Variants in FAM135A observed in about 807,000 individuals in gnomAD.
FAM135A encodes family with sequence similarity 135 member A, also known as protein FAM135A.
In FAM135A, 79 loss-of-function variants were observed where a neutral mutation model predicts 146.8. The observed-to-expected ratio is 0.54, with a 90% confidence interval of 0.45 to 0.65. FAM135A has a LOEUF of 0.65. Ranked by LOEUF, FAM135A falls within the 30% of genes least tolerant of loss-of-function variation. The probability of loss-of-function intolerance (pLI) is 0.00; values close to 1 mark genes in which losing one functional copy is unlikely to be tolerated. For missense variants in FAM135A, 1,623 were observed against 1,758.2 expected (o/e 0.92, Z 1.38); for synonymous variants, 562 against 603.6 (o/e 0.93, Z 1.01).
chr6:70,456,637 A>G (rs550924941), intron 5 of FAM135A, among the ~76,000 whole-genome samples: 2 of 152,340 alleles, frequency 1.3e-5, no homozygotes, highest in African/African-American at 4.8e-5. Flanking sequence ...AAGTGTCACA[A>G]TATTTAATTT....
chr6:70,497,349 A>G (rs1205872830), intron 11 of FAM135A, among the ~76,000 whole-genome samples: 1 of 152,192 alleles, frequency 6.6e-6, no homozygotes, highest in African/African-American at 2.4e-5. Flanking sequence ...TTGAGTTTGT[A>G]TCCTGAGACT....
intron 12 of FAM135A, among the ~76,000 whole-genome samples, chr6:70,505,431 T>G (rs1258831439): frequency 6.6e-6 from 1 of 152,138 alleles, no homozygotes; most frequent in Non-Finnish European, 1.5e-5. Context: ...TTGATTTTTT[T>G]GAAGAGTATT....
At chr6:70,421,960 G>GA (rs1768948693) in intron 2 of FAM135A, among the ~76,000 whole-genome samples, 2 of 152,044 alleles carry the variant, frequency 1.3e-5, no homozygotes, top group African/African-American at 2.4e-5. Context: ...TGGGTAAAAG[G>GA]AAAAAAGCTC....
At chr6:70,414,695 T>C (rs1187793734) in intron 1 of FAM135A, among the ~76,000 whole-genome samples, 1 of 152,226 alleles carries the variant, frequency 6.6e-6, no homozygotes, top group African/African-American at 2.4e-5. Context: ...TCTTCTTTCT[T>C]TACCGGTTGG....
intron 4 of FAM135A, among the ~76,000 whole-genome samples, chr6:70,436,238 G>A (rs1219001439): frequency 1.3e-5 from 2 of 151,620 alleles, no homozygotes; most frequent in African/African-American, 4.8e-5. Context: ...AAGCATTGGT[G>A]ATTGGAGCTC....
chr6:70,525,831 G>A lies in FAM135A; in HGVS notation c.2747G>A (p.Ser916Asn), dbSNP rs755002993. The A allele has an allele frequency of 4.3e-6, 7 of 1,612,186 alleles. No individual in the cohort carries two copies. In the South Asian group the frequency reaches 4.4e-5, roughly 10 times the overall value. ...GTAGCAATACATTCCTTAAATTCAAGCATTAAAGACCCTTTACAATTTGTT... is the reference window on the plus strand; with the variant it reads ...GTAGCAATACATTCCTTAAATTCAAACATTAAAGACCCTTTACAATTTGTT... ...ETVAIHSLNS[S>N]IKDPLQFVFS... is the part of the protein sequence containing the mutation. Residue 916 changes from serine to asparagine, a missense_variant, in exon 15 of 22, where the codon AGC becomes AAC. Around this residue, in one of 7 missense-constraint regions of FAM135A, gnomAD observed 1,061 missense variants for 1,113.8 expected, o/e 0.95. Coordinates refer to ENST00000418814, the MANE Select transcript of FAM135A (RefSeq NM_001162529.3).
intron 11 of FAM135A, among the ~76,000 whole-genome samples, chr6:70,496,499 A>G (rs1461082021): frequency 6.6e-6 from 1 of 152,114 alleles, no homozygotes; most frequent in Admixed American, 6.5e-5. Flanking sequence ...GAAGCTCTTT[A>G]GTTTAATTAG....
chr6:70,451,660 A>G (rs188539797), intron 4 of FAM135A, among the ~76,000 whole-genome samples: 1 of 152,290 alleles, frequency 6.6e-6, no homozygotes, highest in Admixed American at 6.5e-5. Flanking sequence ...AGTAATTAAT[A>G]TATTTATATT....
intron 12 of FAM135A, among the ~76,000 whole-genome samples, chr6:70,506,401 C>T (rs1357151519): frequency 1.3e-5 from 2 of 152,088 alleles, no homozygotes; most frequent in Non-Finnish European, 2.9e-5. Flanking sequence ...ACATTTTGGA[C>T]TTTGGGAGCC....
At chr6:70,552,207 CAGAA>C (rs1256902227) in intron 20 of FAM135A, among the ~76,000 whole-genome samples, 3 of 152,038 alleles carry the variant, frequency 2.0e-5, no homozygotes, top group South Asian at 2.1e-4. Context: ...TATGAATTTT[CAGAA>C]AGAACAGACA....
chr6:70,527,268 G>A (rs1181089042), intron 15 of FAM135A, among the ~76,000 whole-genome samples: 3 of 152,006 alleles, frequency 2.0e-5, no homozygotes, highest in Non-Finnish European at 2.9e-5. Flanking sequence ...AAAATCTGGC[G>A]ATGATACAGG....
rs1156673102 is a variant in FAM135A at position 70,491,049 on chromosome 6, A to C, written c.839A>C (p.Glu280Ala). The C allele has an allele frequency of 1.2e-6, 2 of 1,601,652 alleles. No individual in the cohort carries two copies. Among genetic ancestry groups the C allele is most frequent in the African/African-American group, 2.7e-5 (2 of 74,438 alleles). ...CTCCTTCCAGAGGAAATGGATGTAG[A>C]AGCTCGACTTACTGAACTATGTGAA... Reference protein sequence around the residue: ...QKLELEEMDVEARLTELCEEV... With the variant: ...QKLELEEMDVAARLTELCEEV... Residue 280 changes from glutamate (E) to alanine (A), a missense_variant, in exon 11 of 22, where the codon GAA becomes GCA. Physicochemically the swap from Glu to Ala is moderately radical, Grantham distance 107. Coordinates refer to ENST00000418814, the MANE Select transcript of FAM135A (RefSeq NM_001162529.3).
At chr6:70,417,767 G>T in intron 2 of FAM135A, 1 of 238,932 alleles carries the variant, frequency 4.2e-6, no homozygotes, top group Non-Finnish European at 6.8e-6. Flanking sequence ...AGCAAGGTCA[G>T]CCCTTATTGG....
At chr6:70,524,171 A>C in intron 14 of FAM135A, 50 bp downstream of exon 14, 1 of 1,528,080 alleles carries the variant, frequency 6.5e-7, no homozygotes, top group South Asian at 1.2e-5. Context: ...AGTTTTCAGT[A>C]TATTCTTCCT....
At chr6:70,481,967 G>C (rs755601168) in intron 9 of FAM135A, 34 bp from the exon 10 acceptor site, 1 of 1,569,160 alleles carries the variant, frequency 6.4e-7, no homozygotes. Flanking sequence ...TTGTATTACT[G>C]ACACTCTGTA....
At chr6:70,483,447 A>T (rs1168641832) in intron 10 of FAM135A, among the ~76,000 whole-genome samples, 1 of 152,188 alleles carries the variant, frequency 6.6e-6, no homozygotes, top group African/African-American at 2.4e-5. Flanking sequence ...ATTCTCTGAA[A>T]CAGTCTCTAT....
At chr6:70,557,195 G>A in intron 21 of FAM135A, 1 of 398,990 alleles carries the variant, frequency 2.5e-6, no homozygotes, top group Non-Finnish European at 4.4e-6. Flanking sequence ...TTTACGCAAA[G>A]GTGGCAGCAA....
chr6:70,477,100 T>G, intron 7 of FAM135A, 59 bp from the exon 8 acceptor site: 1 of 1,479,218 alleles, frequency 6.8e-7, no homozygotes, highest in Non-Finnish European at 9.1e-7. Flanking sequence ...AACTACTTTA[T>G]AATATATTGG....
chr6:70,433,505 C>CTTTTTT (rs61314362), intron 4 of FAM135A, among the ~76,000 whole-genome samples: 1 of 147,074 alleles, frequency 6.8e-6, no homozygotes. Flanking sequence ...TAAATCTTAA[C>CTTTTTT]TTTTTTTTTT....
Sources: gnomAD v4.1 joint callset for allele counts (sites outside exome capture counted in the v4.1 genomes callset) on GRCh38, gnomAD v4.1.1 for gene constraint, gnomAD v4.1.1 regional missense constraint, MANE v1.5 for transcripts, NCBI Gene and HGNC (gene_info 2026-07-23, HGNC 2026-07-21) for gene names.